PBX3: variants seen among roughly 807,000 people sequenced by gnomAD.
PBX3 encodes the protein pre-B-cell leukemia transcription factor 3.
In PBX3, 14 loss-of-function variants were observed where a neutral mutation model predicts 48.5. That is an observed-to-expected ratio of 0.29 (90% CI 0.19 to 0.45). The LOEUF (loss-of-function observed/expected upper bound fraction) is 0.45, where lower values mean the gene tolerates loss of function less well. Ranked by LOEUF, PBX3 falls within the 20% of genes least tolerant of loss-of-function variation. The pLI, the probability that PBX3 is intolerant of heterozygous loss-of-function variation, is 1.00. For missense variants in PBX3, 386 were observed against 546.7 expected (o/e 0.71, Z 2.93); for synonymous variants, 210 against 200.3 (o/e 1.05, Z -0.41).
intron 2 of PBX3, among the ~76,000 whole-genome samples, chr9:125,886,664 C>T (rs1173447350): frequency 6.6e-6 from 1 of 151,952 alleles, no homozygotes; most frequent in African/African-American, 2.4e-5. Context: ...GTATTTTTTC[C>T]CTTTTCTCAT....
At chr9:125,884,935 A>G (rs1840463509) in intron 2 of PBX3, among the ~76,000 whole-genome samples, 1 of 152,202 alleles carries the variant, frequency 6.6e-6, no homozygotes, top group Admixed American at 6.5e-5. Context: ...ATAATTAATT[A>G]CAAATTTGAG....
chr9:125,836,631 A>G (rs964740993), intron 2 of PBX3, among the ~76,000 whole-genome samples: 1 of 152,198 alleles, frequency 6.6e-6, no homozygotes. Flanking sequence ...AATTTATTGT[A>G]TATTTCAAAG....
At chr9:125,917,330 C>T (rs1440079786) in intron 3 of PBX3, among the ~76,000 whole-genome samples, 1 of 152,168 alleles carries the variant, frequency 6.6e-6, no homozygotes, top group Admixed American at 6.5e-5. Flanking sequence ...ATCAGCATCC[C>T]CCACCAGAGG....
At chr9:125,802,444 T>A (rs1455658743) in intron 2 of PBX3, among the ~76,000 whole-genome samples, 1 of 142,906 alleles carries the variant, frequency 7.0e-6, no homozygotes, top group East Asian at 2.1e-4. Flanking sequence ...CATGGCTCAC[T>A]GCAGCCTCCA....
chr9:125,748,618 A>C lies in PBX3; in HGVS notation c.269A>C (p.Lys90Thr). 6.2e-7 allele frequency: 1 copy of C among 1,613,230 alleles called. No individual in the cohort carries two copies. Among genetic ancestry groups the C allele is most frequent in the Non-Finnish European group, 8.5e-7 (1 of 1,179,662 alleles). ...AGCGTCCTGTGTGAGATCAAAGAGA[A>C]AACAGGTAAGACGCTGCGCCCCGCA... ...LFSVLCEIKE[K>T]TGLSIRGAQE... The change falls in exon 2 of 9, where the codon AAA (lysine) becomes ACA (threonine). Residue 90 changes from lysine (K) to threonine (T), a missense_variant. Physicochemically the swap from Lys to Thr is moderately conservative, Grantham distance 78. Transcript: ENST00000373489.
intron 8 of PBX3, 26 bp downstream of exon 8, chr9:125,963,127 A>G (rs746182655): frequency 6.2e-6 from 8 of 1,289,652 alleles, no homozygotes; most frequent in South Asian, 1.3e-5. Context: ...AGTCAGCTGT[A>G]GGAGAACAGT....
At chr9:125,908,889 T>C (rs1292077365) in intron 2 of PBX3, among the ~76,000 whole-genome samples, 1 of 152,124 alleles carries the variant, frequency 6.6e-6, no homozygotes, top group Non-Finnish European at 1.5e-5. Flanking sequence ...CTTGTAATAA[T>C]TTCCTTTAGG....
At chr9:125,932,799 A>G (rs1409449049) in intron 4 of PBX3, among the ~76,000 whole-genome samples, 1 of 152,196 alleles carries the variant, frequency 6.6e-6, no homozygotes, top group Non-Finnish European at 1.5e-5. Flanking sequence ...ATACACCTAA[A>G]TGATTTATTT....
intron 2 of PBX3, chr9:125,748,910 C>T (rs1327651570): frequency 3.2e-6 from 1 of 309,472 alleles, no homozygotes; most frequent in South Asian, 5.9e-5. Context: ...GCCAGCCGCC[C>T]TCTTCCCTCT....
chr9:125,884,571 T>C (rs1840455251), intron 2 of PBX3, among the ~76,000 whole-genome samples: 1 of 152,242 alleles, frequency 6.6e-6, no homozygotes, highest in Non-Finnish European at 1.5e-5. Flanking sequence ...TTATTACTAG[T>C]TGCCTTTCCC....
chr9:125,884,841 G>A (rs1336499074), intron 2 of PBX3, among the ~76,000 whole-genome samples: 4 of 151,860 alleles, frequency 2.6e-5, no homozygotes, highest in African/African-American at 4.8e-5. Context: ...TCATCTATGG[G>A]GAATTAAAAA....
At chr9:125,800,976 C>T (rs1166477765) in intron 2 of PBX3, among the ~76,000 whole-genome samples, 2 of 152,072 alleles carry the variant, frequency 1.3e-5, no homozygotes, top group Non-Finnish European at 2.9e-5. Flanking sequence ...TGATCTCGAA[C>T]TCCTGACGTC....
chr9:125,759,421 T>C lies in PBX3; in HGVS notation c.274+10798T>C, dbSNP rs1463271170. On this transcript the variant is annotated intron_variant, in intron 2 of 8. Coordinates refer to ENST00000373489, the MANE Select transcript of PBX3 (RefSeq NM_006195.6). The surrounding 1 kb of genome is among the most constrained non-coding windows in gnomAD (Gnocchi z 4.2). The stretch of plus-strand genomic sequence containing the variant: ...GTTTCACTGGCACTGCCAAATGTAC[T>C]TCCTATTTGTTGTGCAAGGGAATTG... 1.3e-5 allele frequency among the ~76,000 whole-genome samples: 2 copies of C among 152,208 alleles called. No homozygotes were observed. Among genetic ancestry groups the C allele is most frequent in the Admixed American group, 1.3e-4 (2 of 15,278 alleles).
At chr9:125,828,878 C>T (rs999023376) in intron 2 of PBX3, among the ~76,000 whole-genome samples, 5 of 152,262 alleles carry the variant, frequency 3.3e-5, no homozygotes, top group Middle Eastern at 3.4e-3. Flanking sequence ...TAATGTAAGT[C>T]GCCTTCTTTG....
intron 3 of PBX3, among the ~76,000 whole-genome samples, chr9:125,927,706 T>G (rs1392588454): frequency 6.6e-6 from 1 of 152,214 alleles, no homozygotes; most frequent in Non-Finnish European, 1.5e-5. Flanking sequence ...GTACTGGATT[T>G]CAGTGTAGGC....
rs571803711 is a variant in PBX3 at position 125,834,731 on chromosome 9, C to A, written c.275-80955C>A. Among the ~76,000 whole-genome samples, 5 of 150,376 alleles carry A rather than the reference C, an allele frequency of 3.3e-5. No homozygotes were observed. The East Asian group carries it at 9.9e-4, about 30-fold the overall frequency. On this transcript the variant is annotated intron_variant, in intron 2 of 8. Transcript: ENST00000373489. ...TTACTTGTTTGTGAAATATTTAAAT[C>A]TCAGCTGGGCATGGTGGCTCATGCC... is the stretch of plus-strand genomic sequence containing the variant.
At chr9:125,846,179 T>C (rs916719715) in intron 2 of PBX3, among the ~76,000 whole-genome samples, 14 of 152,070 alleles carry the variant, frequency 9.2e-5, no homozygotes, top group Admixed American at 3.3e-4. Flanking sequence ...TAGAAATTAT[T>C]ATATAAATGA....
chr9:125,771,720 A>AC (rs1033448574), intron 2 of PBX3, among the ~76,000 whole-genome samples: 1 of 152,188 alleles, frequency 6.6e-6, no homozygotes, highest in African/African-American at 2.4e-5. Context: ...GATAGTAGGT[A>AC]CTGAATATTT....
chr9:125,752,925 T>G (rs1331195784), intron 2 of PBX3, among the ~76,000 whole-genome samples: 1 of 152,186 alleles, frequency 6.6e-6, no homozygotes, highest in African/African-American at 2.4e-5. Context: ...ATGAAACACA[T>G]TTTGTTTTAA....
Sources: allele counts gnomAD v4.1 joint callset (sites outside exome capture counted in the v4.1 genomes callset), GRCh38; gene constraint gnomAD v4.1.1; non-coding constraint Gnocchi (gnomAD v3.1); transcripts MANE v1.5; gene names NCBI Gene and HGNC (gene_info 2026-07-23, HGNC 2026-07-21).